ARFGEF2: variants seen among roughly 807,000 people sequenced by gnomAD.
ARFGEF2 encodes brefeldin A-inhibited guanine nucleotide-exchange protein 2.
A neutral mutation model predicts 219.9 loss-of-function variants in ARFGEF2; 74 were observed. The observed-to-expected ratio is 0.34, with a 90% CI of 0.28 to 0.41. ARFGEF2 has a LOEUF of 0.41. Ranked by LOEUF, ARFGEF2 falls within the 10% of genes least tolerant of loss-of-function variation. The pLI is 1.00. For synonymous variants in ARFGEF2, 733 were observed against 799.2 expected (o/e 0.92, Z 1.40); for missense variants, 1,743 against 2,218.3 (o/e 0.79, Z 4.30).
At chr20:48,945,402 C>T (rs1439669249) in intron 3 of ARFGEF2, among the ~76,000 whole-genome samples, 1 of 152,124 alleles carries the variant, frequency 6.6e-6, no homozygotes. Context: ...CTTAACTGGC[C>T]CCTGCTCTTG....
At position 48,924,587 on chromosome 20, in the gene ARFGEF2, A is replaced by G. The variant is rs531757612; in HGVS notation, c.121+2577A>G. Among the ~76,000 whole-genome samples the G allele has an allele frequency of 2.0e-5, 3 of 151,908 alleles. No homozygotes were observed. In the South Asian group the frequency reaches 6.2e-4, roughly 32 times the overall value. On this transcript the variant is annotated intron_variant, in intron 1 of 38. Coordinates refer to ENST00000371917, the MANE Select transcript of ARFGEF2 (RefSeq NM_006420.3). ...GCTATGTGGTATTTTAGAGATTACC[A>G]TGTATAGATTGTTGTTAATTGTGAT...
chr20:48,990,596 A>G (rs572902360), intron 20 of ARFGEF2, among the ~76,000 whole-genome samples: 3 of 152,274 alleles, frequency 2.0e-5, no homozygotes, highest in East Asian at 1.9e-4. Flanking sequence ...ACGTTAGACC[A>G]TCTAGGTTTC....
chr20:48,994,127 G>A (rs1186424633), intron 21 of ARFGEF2, among the ~76,000 whole-genome samples: 2 of 152,148 alleles, frequency 1.3e-5, no homozygotes, highest in East Asian at 1.9e-4. Flanking sequence ...GAGTGCCAAG[G>A]CCCTGAGGTG....
At chr20:48,975,172 G>A (rs2091253459) in intron 13 of ARFGEF2, among the ~76,000 whole-genome samples, 1 of 152,050 alleles carries the variant, frequency 6.6e-6, no homozygotes, top group South Asian at 2.1e-4. Flanking sequence ...ATGTACGTAA[G>A]TCTGTTTCTG....
At chr20:48,974,377 G>T (rs147356438) in intron 12 of ARFGEF2, among the ~76,000 whole-genome samples, 107 of 152,140 alleles carry the variant, frequency 7.0e-4, no homozygotes, top group African/African-American at 2.6e-3. Flanking sequence ...CTCCCAGAGT[G>T]CTGGGATTAC....
intron 9 of ARFGEF2, 27 bp downstream of exon 9, chr20:48,969,304 C>T (rs1460313818): frequency 6.2e-7 from 1 of 1,613,886 alleles, no homozygotes; most frequent in East Asian, 2.2e-5. Flanking sequence ...TCTTGGCCAC[C>T]TTCAGTCCAA....
At chr20:49,009,664 C>T (rs1295670682) in intron 26 of ARFGEF2, among the ~76,000 whole-genome samples, 2 of 152,148 alleles carry the variant, frequency 1.3e-5, no homozygotes, top group Non-Finnish European at 2.9e-5. Flanking sequence ...TCAGGTTTTA[C>T]TTTATAATAA....
chr20:48,946,477 T>TTATATA (rs35152962), intron 3 of ARFGEF2, among the ~76,000 whole-genome samples: 20 of 145,224 alleles, frequency 1.4e-4, no homozygotes, highest in Middle Eastern at 3.6e-3. Flanking sequence ...CATATCAATT[T>TTATATA]TATATATATA....
chr20:48,943,584 A>G (rs2091006851), intron 3 of ARFGEF2, among the ~76,000 whole-genome samples: 1 of 151,992 alleles, frequency 6.6e-6, no homozygotes, highest in African/African-American at 2.4e-5. Context: ...TTTTTTGTTT[A>G]TTTTGAGTCA....
chr20:49,029,644 T>G (rs960320214), intron 37 of ARFGEF2, among the ~76,000 whole-genome samples: 1 of 151,482 alleles, frequency 6.6e-6, no homozygotes, highest in Non-Finnish European at 1.5e-5. Flanking sequence ...CAGGCTGGAG[T>G]GCAGTGGTGC....
chr20:49,006,451 C>A (rs1479095849), intron 26 of ARFGEF2, among the ~76,000 whole-genome samples: 1 of 152,070 alleles, frequency 6.6e-6, no homozygotes, highest in Non-Finnish European at 1.5e-5. Context: ...AAAAACAAAT[C>A]TCTGTTTAAT....
intron 1 of ARFGEF2, among the ~76,000 whole-genome samples, chr20:48,925,623 C>T (rs1345312778): frequency 1.3e-5 from 2 of 152,022 alleles, no homozygotes; most frequent in African/African-American, 2.4e-5. Context: ...ATTGCATGAG[C>T]CCAGGAGTTT....
intron 14 of ARFGEF2, among the ~76,000 whole-genome samples, chr20:48,984,355 GAA>G (rs1455478492): frequency 6.6e-6 from 1 of 152,200 alleles, no homozygotes; most frequent in Non-Finnish European, 1.5e-5. Flanking sequence ...GTCCTTCCTA[GAA>G]GTACCCACAC....
chr20:48,972,514 G>A, intron 11 of ARFGEF2, 89 bp downstream of exon 11: 1 of 1,031,876 alleles, frequency 9.7e-7, no homozygotes, highest in South Asian at 1.3e-5. Flanking sequence ...CCTCCTTTTA[G>A]AGTTTTAAAG....
Position 48,953,642 on chromosome 20 carries a change from C to G in ARFGEF2, c.690C>G (p.Phe230Leu), listed in dbSNP as rs751892205. 2 of 1,614,128 alleles carry G rather than the reference C, an allele frequency of 1.2e-6. No individual in the cohort carries two copies. The highest frequency in any genetic ancestry group is 4.5e-5 in the East Asian group (2 of 44,892). The change falls in exon 6 of 39, where the codon TTC becomes TTG. Residue 230 changes from phenylalanine to leucine, a missense_variant. By Grantham distance (22) the Phe-to-Leu change is conservative (BLOSUM62 0). Transcript: ENST00000371917. ...AAGCTGCAGCAGTATCCCCAAAGTT[C>G]GTTCGTTTGAAGCACAGTCAGGCAC... ...VIQAAAVSPK[F>L]VRLKHSQAQS...
chr20:48,972,144 TGCCAGCCGTCCCCACCAAG>T (rs2091232347), intron 10 of ARFGEF2, among the ~76,000 whole-genome samples, 163 bp from the exon 11 acceptor site: 1 of 152,190 alleles, frequency 6.6e-6, no homozygotes, highest in South Asian at 2.1e-4. Context: ...GGCCCCACCC[TGCCAGCCGTCCCCACCAAG>T]GCCAGGGTCC....
At chr20:48,998,964 G>A (rs918294010) in intron 25 of ARFGEF2, among the ~76,000 whole-genome samples, 8 of 152,326 alleles carry the variant, frequency 5.3e-5, no homozygotes, top group East Asian at 3.9e-4. Context: ...TGGGCCGGGC[G>A]TAGTGGCTCA....
chr20:48,991,194 A>T lies in ARFGEF2; in HGVS notation c.2969A>T (p.His990Leu), dbSNP rs1289080009. 1.9e-6 allele frequency: 3 copies of T among 1,614,120 alleles called. No individual in the cohort carries two copies. In the South Asian group the frequency reaches 3.3e-5, roughly 18 times the overall value. The change falls in exon 21 of 39, where the codon CAT (histidine) becomes CTT (leucine). Residue 990 changes from histidine (H) to leucine (L), a missense_variant. This residue lies in a region of ARFGEF2 where 666 missense variants were observed against 955.4 expected (regional missense o/e 0.70). Coordinates refer to ENST00000371917, the MANE Select transcript of ARFGEF2 (RefSeq NM_006420.3). ...TDGNYLGNSW[H>L]EILKCISQLE... ...GGCAACTACCTTGGGAATTCCTGGC[A>T]TGAGGTACGTGTCTCTTTGAATTGC...
intron 1 of ARFGEF2, among the ~76,000 whole-genome samples, chr20:48,935,893 G>A (rs1273810462): frequency 5.3e-5 from 7 of 131,184 alleles, no homozygotes; most frequent in African/African-American, 1.6e-4. Flanking sequence ...CAGTAGGGGC[G>A]GCCGGGCAGA....
Sources: allele counts gnomAD v4.1 joint callset (sites outside exome capture counted in the v4.1 genomes callset), GRCh38; gene constraint gnomAD v4.1.1; regional missense constraint gnomAD v4.1.1; transcripts MANE v1.5; gene names NCBI Gene and HGNC (gene_info 2026-07-23, HGNC 2026-07-21).